Variants in HS6ST1 observed in about 807,000 individuals in gnomAD.
HS6ST1 encodes heparan-sulfate 6-O-sulfotransferase 1.
Under a neutral mutation model 25.2 loss-of-function variants are expected in HS6ST1, and 3 were observed. That is an observed-to-expected ratio of 0.12 (90% CI 0.05 to 0.31). The LOEUF (loss-of-function observed/expected upper bound fraction) is 0.31, where lower values mean the gene tolerates loss of function less well. Among genes scored for constraint, HS6ST1 ranks in the 10% least tolerant of loss-of-function variants. HS6ST1 has a pLI of 1.00. For missense variants in HS6ST1, 310 were observed against 609.6 expected, an observed-to-expected ratio of 0.51 and a Z score of 5.18; for synonymous variants, 204 against 275.1, an observed-to-expected ratio of 0.74 and a Z score of 2.56.
intron 1 of HS6ST1, among the ~76,000 whole-genome samples, chr2:128,314,383 G>A (rs899303402): frequency 1.9e-4 from 29 of 152,306 alleles, no homozygotes; most frequent in African/African-American, 7.0e-4. Flanking sequence ...TTCCCATGGT[G>A]CCAGCATGAG....
intron 1 of HS6ST1, among the ~76,000 whole-genome samples, chr2:128,281,103 C>T (rs1425077069): frequency 2.6e-5 from 4 of 152,258 alleles, no homozygotes; most frequent in Non-Finnish European, 5.9e-5. Context: ...AGCCCAGCCC[C>T]TTGGCAGGAA....
At chr2:128,295,349 G>C (rs760244428) in intron 1 of HS6ST1, among the ~76,000 whole-genome samples, 2 of 152,214 alleles carry the variant, frequency 1.3e-5, no homozygotes, top group Non-Finnish European at 2.9e-5. Flanking sequence ...GAAGGCCCTT[G>C]CTCAGGGCCA....
In HS6ST1 at chr2:128,318,844, C is replaced by G. The variant is rs4330066; in HGVS notation, c.-281G>C. Among the ~76,000 whole-genome samples the G allele has an allele frequency of 0.018, 2,646 of 147,860 alleles. 82 individuals carry two copies. The highest frequency in any genetic ancestry group is 0.061 in the African/African-American group (2,512 of 41,020). On this transcript the variant is annotated 5_prime_UTR_variant, in exon 1 of 2. Coordinates refer to ENST00000259241, the MANE Select transcript of HS6ST1 (RefSeq NM_004807.3). The surrounding 1 kb of genome is among the most constrained non-coding windows in gnomAD (Gnocchi z 5.7). Reference sequence around the variant, plus strand: ...GCGCCCCCAGCACCAGCCCGCTCCGCTCCACTCCGCGCCGAGAACGCTCTG... The same window carrying G: ...GCGCCCCCAGCACCAGCCCGCTCCGGTCCACTCCGCGCCGAGAACGCTCTG...
At chr2:128,280,099 A>G (rs746684741) in intron 1 of HS6ST1, among the ~76,000 whole-genome samples, 5 of 152,178 alleles carry the variant, frequency 3.3e-5, no homozygotes, top group Admixed American at 2.6e-4. Context: ...CGTCACCCTC[A>G]TCAGCATTGC....
At chr2:128,308,244 G>C (rs1280799684) in intron 1 of HS6ST1, among the ~76,000 whole-genome samples, 1 of 152,160 alleles carries the variant, frequency 6.6e-6, no homozygotes, top group African/African-American at 2.4e-5. Context: ...CTTCACCTGC[G>C]AGCCGCACCC....
At chr2:128,305,804 G>A (rs921269237) in intron 1 of HS6ST1, among the ~76,000 whole-genome samples, 1 of 152,340 alleles carries the variant, frequency 6.6e-6, no homozygotes, top group Admixed American at 6.5e-5. Flanking sequence ...GGACCTTGAG[G>A]AGGGTGGGCC....
At chr2:128,284,303 C>T (rs1174890295) in intron 1 of HS6ST1, among the ~76,000 whole-genome samples, 2 of 152,112 alleles carry the variant, frequency 1.3e-5, no homozygotes, top group Non-Finnish European at 2.9e-5. Flanking sequence ...CACAGGCGGC[C>T]CCCCACCCTA....
intron 1 of HS6ST1, among the ~76,000 whole-genome samples, chr2:128,304,667 A>C (rs1227478227): frequency 6.6e-6 from 1 of 151,890 alleles, no homozygotes; most frequent in Non-Finnish European, 1.5e-5. Context: ...CTGGCCAAAA[A>C]CCCTCTGCCA....
intron 1 of HS6ST1, among the ~76,000 whole-genome samples, chr2:128,308,329 G>A (rs964747374): frequency 2.0e-5 from 3 of 152,214 alleles, no homozygotes; most frequent in African/African-American, 7.2e-5. Flanking sequence ...TACCATGTAG[G>A]GGGTGATAGC....
intron 1 of HS6ST1, among the ~76,000 whole-genome samples, chr2:128,293,224 G>T (rs374987454): frequency 6.6e-6 from 1 of 152,270 alleles, no homozygotes; most frequent in African/African-American, 2.4e-5. Context: ...GGCACAGCCC[G>T]CTCTGAGCCA....
intron 1 of HS6ST1, among the ~76,000 whole-genome samples, chr2:128,305,966 C>T (rs1407959496): frequency 3.3e-5 from 5 of 152,208 alleles, no homozygotes; most frequent in Non-Finnish European, 5.9e-5. Flanking sequence ...TGGGGAGTGA[C>T]CTGCCTGCGA....
At chr2:128,294,222 G>A (rs199845789) in intron 1 of HS6ST1, among the ~76,000 whole-genome samples, 2 of 152,152 alleles carry the variant, frequency 1.3e-5, no homozygotes, top group Non-Finnish European at 2.9e-5. Flanking sequence ...CCCTGTGCCC[G>A]GCCCTGGCAC....
intron 1 of HS6ST1, among the ~76,000 whole-genome samples, chr2:128,291,219 T>C (rs917969062): frequency 1.3e-5 from 2 of 152,248 alleles, no homozygotes; most frequent in African/African-American, 4.8e-5. Flanking sequence ...TTGTCTTTAG[T>C]GAGTACCCCG....
intron 1 of HS6ST1, among the ~76,000 whole-genome samples, chr2:128,293,535 G>A (rs1693991689): frequency 6.6e-6 from 1 of 152,250 alleles, no homozygotes; most frequent in South Asian, 2.1e-4. Context: ...AAGTTGGAAG[G>A]AGAGCAGCAG....
At chr2:128,316,652 A>G (rs1226927357) in intron 1 of HS6ST1, among the ~76,000 whole-genome samples, 1 of 152,032 alleles carries the variant, frequency 6.6e-6, no homozygotes, top group African/African-American at 2.4e-5. Context: ...ATGTGGCTGT[A>G]AGAGGCTCAG....
At chr2:128,298,668 G>A (rs920674468) in intron 1 of HS6ST1, among the ~76,000 whole-genome samples, 2 of 152,172 alleles carry the variant, frequency 1.3e-5, no homozygotes, top group African/African-American at 4.8e-5. Flanking sequence ...GGGGAATGAG[G>A]AGTTCGTGTT....
rs1012700190 is a variant in HS6ST1, at chr2:128,268,812, G to A, written c.586C>T (p.Arg196Trp). ...CACGTGGCACCCCTCTGCACATGCC[G>A]CCACTCGCTCAGGTAGCGGGACACG... ...DPVSRYLSEW[R>W]HVQRGATWKT... The change falls in exon 2 of 2, where the codon CGG becomes TGG. Residue 196 changes from arginine to tryptophan, a missense_variant. Arg to Trp is a moderately radical substitution (Grantham distance 101). Around this residue, in one of 5 missense-constraint regions of HS6ST1, gnomAD observed 98 missense variants for 270.3 expected, o/e 0.36. Coordinates refer to ENST00000259241, the MANE Select transcript of HS6ST1 (RefSeq NM_004807.3). The A allele has an allele frequency of 3.8e-5, 61 of 1,612,590 alleles. No individual in the cohort carries two copies. The highest frequency in any genetic ancestry group is 4.6e-5 in the Non-Finnish European group (54 of 1,179,898).
chr2:128,268,137 G>A lies in HS6ST1; in HGVS notation c.*25C>T. 4 of 1,536,658 alleles carry A rather than the reference G, an allele frequency of 2.6e-6. No homozygotes were observed. Among genetic ancestry groups the A allele is most frequent in the Non-Finnish European group, 3.6e-6 (4 of 1,125,032 alleles). ...GTTTTATCCCCCACACCCCCCAAGA[G>A]GCCTCCCCGTGGCCACCACCGCCAC... On this transcript the variant is annotated 3_prime_UTR_variant, in exon 2 of 2. Transcript: ENST00000259241.
chr2:128,318,683 C>G lies in HS6ST1; in HGVS notation c.-120G>C, dbSNP rs1208486703. The G allele has an allele frequency of 1.2e-5, 2 of 166,088 alleles. No individual in the cohort carries two copies. The highest frequency in any genetic ancestry group is 2.0e-4 in the East Asian group (1 of 5,032). 10.3% of individuals were successfully genotyped at this position (166,088 alleles called of 1,614,324 possible). A position where few individuals can be genotyped will look rare whatever the true frequency, so the allele number is the denominator to read the frequency against. Reference sequence around the variant, plus strand: ...CCGGCCCGGCTACTCGGCGCCCAGGCCGCCCGCAGCGGCGCGGGCCCCGAC... The same window carrying G: ...CCGGCCCGGCTACTCGGCGCCCAGGGCGCCCGCAGCGGCGCGGGCCCCGAC... On this transcript the variant is annotated 5_prime_UTR_variant, in exon 1 of 2. Transcript: ENST00000259241. The surrounding 1 kb of genome is among the most constrained non-coding windows in gnomAD (Gnocchi z 5.7).
Sources: allele counts gnomAD v4.1 joint callset (sites outside exome capture counted in the v4.1 genomes callset), GRCh38; gene constraint gnomAD v4.1.1; regional missense constraint gnomAD v4.1.1; non-coding constraint Gnocchi (gnomAD v3.1); transcripts MANE v1.5; gene names NCBI Gene and HGNC (gene_info 2026-07-23, HGNC 2026-07-21).